Variants in CCDC149 observed in about 807,000 individuals in gnomAD.
CCDC149 encodes coiled-coil domain-containing protein 149.
In CCDC149, 45 loss-of-function variants were observed where a neutral mutation model predicts 59.9. That is an observed-to-expected ratio of 0.75 (90% confidence interval 0.59 to 0.96). The LOEUF (loss-of-function observed/expected upper bound fraction) is 0.96. Ranked by LOEUF, CCDC149 falls within the 40% of genes least tolerant of loss-of-function variation. CCDC149 has a pLI of 0.00. For synonymous variants in CCDC149, 245 were observed against 260.6 expected (o/e 0.94, Z 0.58); for missense variants, 584 against 664.7 (o/e 0.88, Z 1.33).
chr4:24,859,956 A>G (rs932438506), intron 3 of CCDC149, among the ~76,000 whole-genome samples: 9 of 152,216 alleles, frequency 5.9e-5, no homozygotes, highest in African/African-American at 2.2e-4. Flanking sequence ...ACACAACCAA[A>G]TAGAAACACA....
chr4:24,845,110 C>T (rs1560214432), intron 4 of CCDC149, among the ~76,000 whole-genome samples: 1 of 152,216 alleles, frequency 6.6e-6, no homozygotes, highest in Non-Finnish European at 1.5e-5. Flanking sequence ...AATACCTGCA[C>T]AGCAGCTCCC....
Position 24,837,328 on chromosome 4 carries a change from A to C in CCDC149, c.562T>G (p.Tyr188Asp), listed in dbSNP as rs1290420791. ...TTGAGCCTCTCCACTTTGTCCTGGT[A>C]GGAAGACCGTTCTTCTTTAACATCC... The change falls in exon 6 of 13, where the codon TAC becomes GAC. Residue 188 changes from tyrosine (Y) to aspartate (D), a missense_variant. Coordinates refer to ENST00000635206, the MANE Select transcript of CCDC149 (RefSeq NM_001330643.2). The surrounding 1 kb of genome is among the most constrained non-coding windows in gnomAD (Gnocchi z 4.3). 2 of 1,614,158 alleles carry C rather than the reference A, an allele frequency of 1.2e-6. No homozygotes were observed. The highest frequency in any genetic ancestry group is 1.7e-6 in the Non-Finnish European group (2 of 1,180,018).
chr4:24,914,385 GAAAAAAAAAAAA>G (rs201825269), upstream of CCDC149, among the ~76,000 whole-genome samples: 1 of 120,186 alleles, frequency 8.3e-6, no homozygotes, highest in Non-Finnish European at 1.8e-5. Flanking sequence ...TGTGTTACCA[GAAAAAAAAAAAA>G]AAAAAAAGAA....
chr4:24,958,532 C>A (rs1723538287), intron 1 of CCDC149, among the ~76,000 whole-genome samples: 1 of 152,136 alleles, frequency 6.6e-6, no homozygotes, highest in Non-Finnish European at 1.5e-5. Flanking sequence ...CCAGATCTGA[C>A]AGTTGACAAG....
chr4:24,812,503 C>A (rs958443181), intron 12 of CCDC149, among the ~76,000 whole-genome samples: 1 of 152,234 alleles, frequency 6.6e-6, no homozygotes, highest in Non-Finnish European at 1.5e-5. Flanking sequence ...TCTGCTGGCA[C>A]TTTCCAGAAG....
chr4:24,866,616 T>A (rs550827367), intron 3 of CCDC149, among the ~76,000 whole-genome samples: 3 of 152,190 alleles, frequency 2.0e-5, no homozygotes, highest in African/African-American at 7.2e-5. Context: ...AAGCTATTAG[T>A]GCAATCACTG....
intron 8 of CCDC149, 96 bp downstream of exon 8, chr4:24,834,852 C>G: frequency 1.1e-6 from 1 of 891,242 alleles, no homozygotes; most frequent in Non-Finnish European, 1.7e-6. Context: ...CGCCTCAGTT[C>G]CCAGACCACA....
At chr4:24,936,393 A>G (rs1294497895) in intron 1 of CCDC149, among the ~76,000 whole-genome samples, 1 of 151,788 alleles carries the variant, frequency 6.6e-6, no homozygotes, top group Non-Finnish European at 1.5e-5. Flanking sequence ...ATCAGGATTT[A>G]TTTTCTTTAA....
rs1714336943 is a variant in CCDC149, at chr4:24,808,238, A to G, written c.*151T>C. On this transcript the variant is annotated 3_prime_UTR_variant, in exon 13 of 13. Coordinates refer to ENST00000635206, the MANE Select transcript of CCDC149 (RefSeq NM_001330643.2). ...CAAACTGTACTGGCATCATCAGAAT[A>G]TTCACAGTTTGCAACAGGATCAGTG... 5 of 595,310 alleles carry G rather than the reference A, an allele frequency of 8.4e-6. No homozygotes were observed. Among genetic ancestry groups the G allele is most frequent in the Non-Finnish European group, 1.4e-5 (5 of 366,778 alleles). The allele number at this position is 595,310 out of a possible 1,614,324, so 36.9% of individuals were successfully genotyped here. A position where few individuals can be genotyped will look rare whatever the true frequency, so the allele number is the denominator to read the frequency against.
chr4:24,845,337 C>T (rs1304353052), intron 4 of CCDC149, among the ~76,000 whole-genome samples: 2 of 152,186 alleles, frequency 1.3e-5, no homozygotes, highest in South Asian at 2.1e-4. Context: ...GAGGGCCTTC[C>T]CTGACCACCT....
At chr4:24,926,796 C>G (rs191690088) in intron 1 of CCDC149, among the ~76,000 whole-genome samples, 2 of 152,180 alleles carry the variant, frequency 1.3e-5, no homozygotes, top group Non-Finnish European at 2.9e-5. Context: ...GACTGTGGAT[C>G]GTCTGAAGGT....
intron 1 of CCDC149, among the ~76,000 whole-genome samples, chr4:24,953,713 C>G (rs530505778): frequency 6.6e-6 from 1 of 152,100 alleles, no homozygotes; most frequent in Non-Finnish European, 1.5e-5. Context: ...TGAAAAAGAC[C>G]TGATGCCAGC....
chr4:24,844,941 A>G (rs561489246), intron 4 of CCDC149, among the ~76,000 whole-genome samples: 15 of 152,260 alleles, frequency 9.9e-5, no homozygotes, highest in African/African-American at 3.6e-4. Context: ...CTTGGCAGGT[A>G]TTGTTGCTAT....
rs964401558 is a variant in CCDC149 at position 24,808,306 on chromosome 4, G to C, written c.*83C>G. 1 of 1,271,174 alleles carries C rather than the reference G, an allele frequency of 7.9e-7. No individual in the cohort carries two copies. The highest frequency in any genetic ancestry group is 3.5e-5 in the Admixed American group (1 of 28,750). The allele number at this position is 1,271,174 out of a possible 1,614,324, so 78.7% of individuals were successfully genotyped here. ...ACTCGGAGGTATTTCAGGAGAAGGC[G>C]ACGTGAGCGCACCATTCCGATGCTT... is the stretch of plus-strand genomic sequence containing the variant. On this transcript the variant is annotated 3_prime_UTR_variant, in exon 13 of 13. Transcript: ENST00000635206.
At chr4:24,911,438 T>G (rs961041560) in intron 1 of CCDC149, among the ~76,000 whole-genome samples, 2 of 152,184 alleles carry the variant, frequency 1.3e-5, no homozygotes, top group Non-Finnish European at 2.9e-5. Flanking sequence ...GCACCTGATA[T>G]GCAATTGTTG....
At chr4:24,957,479 C>G (rs1197633752) in intron 1 of CCDC149, among the ~76,000 whole-genome samples, 2 of 152,198 alleles carry the variant, frequency 1.3e-5, no homozygotes, top group African/African-American at 4.8e-5. Flanking sequence ...GGACCACCAC[C>G]ATAGTACAAT....
At chr4:24,866,805 AT>A (rs377177836) in intron 3 of CCDC149, among the ~76,000 whole-genome samples, 1 of 81,582 alleles carries the variant, frequency 1.2e-5, no homozygotes, top group African/African-American at 7.3e-5. Flanking sequence ...AAAAAAAAAA[AT>A]ATACACACAC....
At chr4:24,846,109 T>G (rs1418617320) in intron 4 of CCDC149, among the ~76,000 whole-genome samples, 2 of 152,210 alleles carry the variant, frequency 1.3e-5, no homozygotes, top group Non-Finnish European at 1.5e-5. Flanking sequence ...TATGAGCTCA[T>G]GTAAGCCATG....
At chr4:24,847,523 C>T (rs1717379284) in intron 4 of CCDC149, among the ~76,000 whole-genome samples, 1 of 152,178 alleles carries the variant, frequency 6.6e-6, no homozygotes, top group Admixed American at 6.5e-5. Flanking sequence ...TTTGATGTGT[C>T]CTCAGCTGCT....
Sources: allele counts gnomAD v4.1 joint callset (sites outside exome capture counted in the v4.1 genomes callset), GRCh38; gene constraint gnomAD v4.1.1; non-coding constraint Gnocchi (gnomAD v3.1); transcripts MANE v1.5; gene names NCBI Gene and HGNC (gene_info 2026-07-23, HGNC 2026-07-21).